Variants in SLC38A2 observed in about 807,000 individuals in gnomAD.
SLC38A2 encodes the protein sodium-coupled neutral amino acid symporter 2.
Under a neutral mutation model 61.5 loss-of-function variants are expected in SLC38A2, and 11 were observed. The observed-to-expected ratio is 0.18, with a 90% CI of 0.11 to 0.30. SLC38A2 has a LOEUF of 0.30. Ranked by LOEUF, SLC38A2 falls within the 10% of genes least tolerant of loss-of-function variation. SLC38A2 has a pLI of 1.00. For synonymous variants in SLC38A2, 217 were observed against 212.5 expected (o/e 1.02, Z -0.18); for missense variants, 522 against 600.4 (o/e 0.87, Z 1.36).
At chr12:46,363,249 C>G in intron 12 of SLC38A2, 104 bp from the exon 13 acceptor site, 8 of 1,250,652 alleles carry the variant, frequency 6.4e-6, no homozygotes, top group Non-Finnish European at 9.0e-6. Context: ...ACTCACAAAA[C>G]GACTATAAAC....
rs775618333 is a variant in SLC38A2, at chr12:46,359,662, ACT to A, written c.*1447_*1448del. The A allele has an allele frequency of 9.2e-5, 14 of 152,504 alleles. No homozygotes were observed. Among genetic ancestry groups the A allele is most frequent in the Non-Finnish European group, 2.1e-4 (14 of 68,022 alleles). The allele number at this position is 152,504 out of a possible 1,614,324, so 9.4% of individuals were successfully genotyped here. On this transcript the variant is annotated 3_prime_UTR_variant, in exon 16 of 16. Coordinates refer to ENST00000256689, the MANE Select transcript of SLC38A2 (RefSeq NM_018976.5). ...TTATTTAATAATATATTCACCATAC[ACT>A]GTGACGTACGATAAATGTGCTCTTA... is the stretch of plus-strand genomic sequence containing the variant.
intron 4 of SLC38A2, among the ~76,000 whole-genome samples, chr12:46,369,685 T>G (rs920066025): frequency 6.6e-6 from 1 of 152,192 alleles, no homozygotes; most frequent in African/African-American, 2.4e-5. Context: ...TAAGATTGCA[T>G]GTATTTTTGT....
rs34139863 is a variant in SLC38A2, at chr12:46,362,307, T to C, written c.1399A>G (p.Met467Val). The change falls in exon 15 of 16, where the codon ATG becomes GTG. Residue 467 changes from methionine (M) to valine (V), a missense_variant. By Grantham distance (21) the Met-to-Val change is conservative. This residue lies in a region of SLC38A2 where 309 missense variants were observed against 343.9 expected (regional missense o/e 0.90). Coordinates refer to ENST00000256689, the MANE Select transcript of SLC38A2 (RefSeq NM_018976.5). ...ACCCCAATCTTTTGTACAGATTTCATAGGTTCTTTCTTCACCAACTTGATA... is the reference window on the plus strand; with the variant it reads ...ACCCCAATCTTTTGTACAGATTTCACAGGTTCTTTCTTCACCAACTTGATA... The part of the protein sequence containing the change: ...FYIKLVKKEP[M>V]KSVQKIGALF... 6.1e-5 allele frequency: 98 copies of C among 1,611,636 alleles called. 1 individual carries two copies. The African/African-American group carries it at 7.7e-4, about 13-fold the overall frequency.
intron 4 of SLC38A2, among the ~76,000 whole-genome samples, chr12:46,368,577 A>AAGG (rs1321439333): frequency 6.6e-5 from 10 of 152,208 alleles, no homozygotes; most frequent in African/African-American, 2.2e-4. Context: ...AAACCTTGCA[A>AAGG]AGGAGAAGAG....
At chr12:46,364,729 T>C (rs771203393) in intron 8 of SLC38A2, 27 bp from the exon 9 acceptor site, 7 of 1,577,938 alleles carry the variant, frequency 4.4e-6, no homozygotes, top group Non-Finnish European at 8.6e-7. Flanking sequence ...CAGGAATCAG[T>C]ATTAGTTTAA....
In SLC38A2 at chr12:46,364,714, G is replaced by A; in HGVS notation, c.647-12C>T. ...ATATCCCAAATATCCTATAAGGAGG[G>A]GTGGCAGGAATCAGTATTAGTTTAA... On this transcript the variant is annotated splice_polypyrimidine_tract_variant and intron_variant, in intron 8 of 15. Transcript: ENST00000256689. 6.3e-7 allele frequency: 1 copy of A among 1,598,278 alleles called. No individual in the cohort carries two copies. The highest frequency in any genetic ancestry group is 8.5e-7 in the Non-Finnish European group (1 of 1,172,796).
chr12:46,365,927 T>A lies in SLC38A2; in HGVS notation c.564-738A>T, dbSNP rs1027866361. 1.7e-4 allele frequency among the ~76,000 whole-genome samples: 26 copies of A among 152,282 alleles called. 1 individual carries two copies. Among genetic ancestry groups the A allele is most frequent in the African/African-American group, 6.3e-4 (26 of 41,572 alleles). Reference sequence around the variant, plus strand: ...CTATTTTCAAATTCTAATTGCCTCATGAATTCTGTTCACTTCAGCAGTAAG... The same window carrying A: ...CTATTTTCAAATTCTAATTGCCTCAAGAATTCTGTTCACTTCAGCAGTAAG... On this transcript the variant is annotated intron_variant, in intron 7 of 15. Coordinates refer to ENST00000256689, the MANE Select transcript of SLC38A2 (RefSeq NM_018976.5).
At chr12:46,371,442 G>A (rs1044492543) in intron 1 of SLC38A2, 63 bp from the exon 2 acceptor site, 7 of 642,056 alleles carry the variant, frequency 1.1e-5, no homozygotes, top group African/African-American at 7.5e-5. Flanking sequence ...ACGTGACGCC[G>A]CCCGGAGGCG....
At chr12:46,369,165 T>C (rs1943168975) in intron 4 of SLC38A2, among the ~76,000 whole-genome samples, 1 of 152,218 alleles carries the variant, frequency 6.6e-6, no homozygotes. Context: ...TTAACTACAC[T>C]GGCTGCACTC....
At chr12:46,368,909 G>C (rs1478658498) in intron 4 of SLC38A2, among the ~76,000 whole-genome samples, 1 of 152,112 alleles carries the variant, frequency 6.6e-6, no homozygotes, top group Admixed American at 6.5e-5. Context: ...TTAGCTACAG[G>C]GTTGCTGAAG....
rs1344905233 is a variant in SLC38A2 at position 46,359,289 on chromosome 12, CCTTT to C, written c.*1818_*1821del. The C allele has an allele frequency of 1.7e-4, 26 of 152,592 alleles. No homozygotes were observed. Among genetic ancestry groups the C allele is most frequent in the African/African-American group, 5.8e-4 (24 of 41,440 alleles). The allele number at this position is 152,592 out of a possible 1,614,324, so 9.5% of individuals were successfully genotyped here. On this transcript the variant is annotated 3_prime_UTR_variant, in exon 16 of 16. Transcript: ENST00000256689. Reference sequence around the variant, plus strand: ...TGCCGTAGAATCTGTCTTCCCACTGCCTTTCTATTTCTAGATGGCCCCCAATTAT... The same window carrying C: ...TGCCGTAGAATCTGTCTTCCCACTGCCTATTTCTAGATGGCCCCCAATTAT...
rs571788661 is a variant in SLC38A2, at chr12:46,366,783, T to G, written c.563+81A>C. 3 of 1,144,334 alleles carry G rather than the reference T, an allele frequency of 2.6e-6. No homozygotes were observed. The East Asian group carries it at 7.3e-5, about 28-fold the overall frequency. 70.9% of individuals were successfully genotyped at this position (1,144,334 alleles called of 1,614,324 possible). Reference sequence around the variant, plus strand: ...ATTTATGGATAATTAACTAATCATTTTGTATACAACTTTGATAAAAATGTA... The same window carrying G: ...ATTTATGGATAATTAACTAATCATTGTGTATACAACTTTGATAAAAATGTA... On this transcript the variant is annotated intron_variant, in intron 7 of 15. Coordinates refer to ENST00000256689, the MANE Select transcript of SLC38A2 (RefSeq NM_018976.5).
At chr12:46,368,386 GA>G (rs962722199) in intron 4 of SLC38A2, among the ~76,000 whole-genome samples, 7 of 151,794 alleles carry the variant, frequency 4.6e-5, no homozygotes, top group East Asian at 3.9e-4. Context: ...TTGAGCAACA[GA>G]AAAAAAATAA....
chr12:46,368,086 G>A (rs145963353), intron 4 of SLC38A2, among the ~76,000 whole-genome samples: 74 of 152,140 alleles, frequency 4.9e-4, no homozygotes, highest in African/African-American at 1.7e-3. Context: ...ACTCAGCCTG[G>A]AGGACAAAAT....
At chr12:46,369,399 T>C (rs533163262) in intron 4 of SLC38A2, among the ~76,000 whole-genome samples, 1 of 152,344 alleles carries the variant, frequency 6.6e-6, no homozygotes, top group African/African-American at 2.4e-5. Context: ...AACCTCAGTG[T>C]GGAATTTCAC....
intron 4 of SLC38A2, among the ~76,000 whole-genome samples, chr12:46,369,150 T>TTACTTTAAC (rs1332813145): frequency 1.3e-5 from 2 of 152,252 alleles, no homozygotes; most frequent in Admixed American, 1.3e-4. Flanking sequence ...ATTTCAATTC[T>TTACTTTAAC]TACTTTAACT....
chr12:46,370,379 TC>T, intron 4 of SLC38A2, 132 bp downstream of exon 4: 4 of 669,972 alleles, frequency 6.0e-6, no homozygotes, highest in Non-Finnish European at 1.0e-5. Context: ...TTTTGGGGTT[TC>T]TCATACTTTT....
intron 9 of SLC38A2, 35 bp from the exon 10 acceptor site, chr12:46,364,591 G>C (rs988460286): frequency 3.1e-6 from 5 of 1,598,078 alleles, no homozygotes; most frequent in Non-Finnish European, 4.3e-6. Flanking sequence ...GTTAAACTAA[G>C]TGACATGGCA....
Position 46,360,908 on chromosome 12 carries a change from T to C in SLC38A2, c.*203A>G, listed in dbSNP as rs1377532551. The C allele has an allele frequency of 1.4e-5, 7 of 517,610 alleles. No individual in the cohort carries two copies. The highest frequency in any genetic ancestry group is 2.4e-5 in the Non-Finnish European group (7 of 294,928). The allele number at this position is 517,610 out of a possible 1,614,324, so 32.1% of individuals were successfully genotyped here. ...CCGAGACTCGTGGTTTTGTTGTTCA[T>C]ATCCATTTCTAACATACAGATAAGT... On this transcript the variant is annotated 3_prime_UTR_variant, in exon 16 of 16. Coordinates refer to ENST00000256689, the MANE Select transcript of SLC38A2 (RefSeq NM_018976.5).
Sources: allele counts gnomAD v4.1 joint callset (sites outside exome capture counted in the v4.1 genomes callset), GRCh38; gene constraint gnomAD v4.1.1; regional missense constraint gnomAD v4.1.1; transcripts MANE v1.5; gene names NCBI Gene and HGNC (gene_info 2026-07-23, HGNC 2026-07-21).